The following BANK1 variants were observed in gnomAD, a reference collection of about 807,000 sequenced individuals.
The protein encoded by BANK1 is B-cell scaffold protein with ankyrin repeats.
BANK1 carries 95 observed loss-of-function variants against 94.5 expected under a neutral mutation model. The ratio of observed to expected loss-of-function variants is 1.00; its 90% confidence interval spans 0.85 to 1.19. The LOEUF (loss-of-function observed/expected upper bound fraction) is 1.19. Ranked by LOEUF, BANK1 falls within the 50% of genes most tolerant of loss-of-function variation. BANK1 has a pLI of 0.00. For missense variants in BANK1, 987 were observed against 932.2 expected, an observed-to-expected ratio of 1.06 and a Z score of -0.77; for synonymous variants, 334 against 308.4, an observed-to-expected ratio of 1.08 and a Z score of -0.87.
At chr4:101,945,998 A>C (rs1229313393) in intron 7 of BANK1, among the ~76,000 whole-genome samples, 2 of 152,122 alleles carry the variant, frequency 1.3e-5, no homozygotes, top group Middle Eastern at 3.4e-3. Flanking sequence ...TAAAAGTAAC[A>C]CAGGATATAG....
At chr4:101,871,122 A>G (rs918538821) in intron 5 of BANK1, among the ~76,000 whole-genome samples, 1 of 152,076 alleles carries the variant, frequency 6.6e-6, no homozygotes, top group Non-Finnish European at 1.5e-5. Context: ...ATCTAAGCTC[A>G]GTGTATGTTT....
Position 101,855,774 on chromosome 4 carries a change from TG to T in BANK1, c.624+586del, listed in dbSNP as rs1222187997. 2.0e-5 allele frequency among the ~76,000 whole-genome samples: 3 copies of T among 152,260 alleles called. No homozygotes were observed. The East Asian group carries it at 5.8e-4, about 29-fold the overall frequency. On this transcript the variant is annotated intron_variant, in intron 3 of 16. Coordinates refer to ENST00000322953, the MANE Select transcript of BANK1 (RefSeq NM_017935.5). Reference sequence around the variant, plus strand: ...ACACCATATTTTCAATGAAGAAACATGTATTAAAGGCTGACATTAAGTGGAA... The same window carrying T: ...ACACCATATTTTCAATGAAGAAACATTATTAAAGGCTGACATTAAGTGGAA...
intron 6 of BANK1, among the ~76,000 whole-genome samples, chr4:101,907,021 C>T (rs1002256524): frequency 6.6e-6 from 1 of 152,202 alleles, no homozygotes; most frequent in Non-Finnish European, 1.5e-5. Context: ...AACAACAAAC[C>T]AGTCATTAGC....
chr4:101,988,053 A>C (rs540689807), intron 7 of BANK1, among the ~76,000 whole-genome samples: 1 of 152,322 alleles, frequency 6.6e-6, no homozygotes, highest in East Asian at 1.9e-4. Flanking sequence ...ACATTGAGTG[A>C]GCAAGGAATA....
At chr4:101,836,932 G>C (rs551055852) in intron 2 of BANK1, among the ~76,000 whole-genome samples, 53 of 152,132 alleles carry the variant, frequency 3.5e-4, no homozygotes, top group African/African-American at 1.2e-3. Flanking sequence ...GTATCTCCGT[G>C]CCCATTTCTC....
intron 1 of BANK1, among the ~76,000 whole-genome samples, chr4:101,821,212 G>T (rs1005000422): frequency 3.3e-5 from 5 of 152,202 alleles, no homozygotes; most frequent in Admixed American, 3.3e-4. Flanking sequence ...TGATATTGAG[G>T]TTTTTTCCAT....
intron 7 of BANK1, among the ~76,000 whole-genome samples, chr4:101,952,725 A>G (rs1724208091): frequency 6.6e-6 from 1 of 152,122 alleles, no homozygotes; most frequent in African/African-American, 2.4e-5. Context: ...CAGGAGTCGT[A>G]TGCTGGGCAT....
chr4:101,988,455 T>C (rs1191969700), intron 7 of BANK1, among the ~76,000 whole-genome samples: 1 of 152,212 alleles, frequency 6.6e-6, no homozygotes, highest in Non-Finnish European at 1.5e-5. Flanking sequence ...TTTGAGTTGT[T>C]GTGAATGTTT....
chr4:101,882,114 G>A (rs1445946216), intron 5 of BANK1, among the ~76,000 whole-genome samples: 2 of 152,166 alleles, frequency 1.3e-5, no homozygotes, highest in East Asian at 1.9e-4. Context: ...TGCTTGAGGG[G>A]ATGGATACCC....
Position 101,944,043 on chromosome 4 carries a change from A to T in BANK1, c.1206+25854A>T, listed in dbSNP as rs907587595. Among the ~76,000 whole-genome samples the T allele has an allele frequency of 2.5e-4, 37 of 149,618 alleles. No individual in the cohort carries two copies. The East Asian group carries it at 4.9e-3, about 20-fold the overall frequency. On this transcript the variant is annotated intron_variant, in intron 7 of 16. Coordinates refer to ENST00000322953, the MANE Select transcript of BANK1 (RefSeq NM_017935.5). Reference sequence around the variant, plus strand: ...GTGTTTGTGTGTGTGTGTGTGTGAGAGAGAGAGAGAGAGAGAGAGAGACAG... The same window carrying T: ...GTGTTTGTGTGTGTGTGTGTGTGAGTGAGAGAGAGAGAGAGAGAGAGACAG...
chr4:101,818,994 A>G (rs1055675367), intron 1 of BANK1, among the ~76,000 whole-genome samples: 21 of 151,258 alleles, frequency 1.4e-4, no homozygotes, highest in African/African-American at 4.9e-4. Context: ...TTTGCTATGT[A>G]TATGCATTAT....
rs185488044 is a variant in BANK1 at position 102,016,897 on chromosome 4, C to A, written c.1207-4617C>A. Among the ~76,000 whole-genome samples the A allele has an allele frequency of 2.3e-3, 356 of 152,178 alleles. 2 individuals carry two copies. The highest frequency in any genetic ancestry group is 7.9e-3 in the African/African-American group (330 of 41,510). ...GGGCAGCAGAGAGGATAAGATGACT[C>A]TTATCCACTGTGGATAAGAATGGAT... On this transcript the variant is annotated intron_variant, in intron 7 of 16. Coordinates refer to ENST00000322953, the MANE Select transcript of BANK1 (RefSeq NM_017935.5).
intron 6 of BANK1, among the ~76,000 whole-genome samples, chr4:101,904,223 A>AT (rs1159294431): frequency 3.3e-5 from 5 of 152,332 alleles, no homozygotes; most frequent in Admixed American, 3.3e-4. Context: ...GTTTTTTGGA[A>AT]TTATAGCAGG....
At chr4:101,924,885 A>G (rs1045610799) in intron 7 of BANK1, among the ~76,000 whole-genome samples, 1 of 151,812 alleles carries the variant, frequency 6.6e-6, no homozygotes, top group Non-Finnish European at 1.5e-5. Flanking sequence ...CACATTTTTC[A>G]TAATGTAGAC....
intron 2 of BANK1, among the ~76,000 whole-genome samples, chr4:101,835,913 C>G (rs757926873): frequency 6.6e-6 from 1 of 152,166 alleles, no homozygotes; most frequent in Non-Finnish European, 1.5e-5. Context: ...TTTGCGTTCA[C>G]TCCATTGTTT....
At chr4:101,969,872 T>G (rs982578572) in intron 7 of BANK1, among the ~76,000 whole-genome samples, 19 of 152,120 alleles carry the variant, frequency 1.2e-4, no homozygotes, top group Non-Finnish European at 2.4e-4. Flanking sequence ...CAAATAAAAT[T>G]AATATAATCA....
At chr4:101,908,549 G>C (rs920408429) in intron 6 of BANK1, among the ~76,000 whole-genome samples, 26 of 152,184 alleles carry the variant, frequency 1.7e-4, no homozygotes, top group African/African-American at 6.3e-4. Context: ...AGCCAAAATT[G>C]ACAAATGGTA....
intron 6 of BANK1, among the ~76,000 whole-genome samples, chr4:101,916,126 G>A (rs990105294): frequency 1.3e-5 from 2 of 152,102 alleles, no homozygotes; most frequent in Middle Eastern, 3.4e-3. Flanking sequence ...AAGCATTTGT[G>A]ACATGGCATC....
intron 7 of BANK1, among the ~76,000 whole-genome samples, chr4:102,015,377 C>A (rs1726659593): frequency 6.6e-6 from 1 of 152,126 alleles, no homozygotes; most frequent in Non-Finnish European, 1.5e-5. Context: ...TAACTACCTT[C>A]TGCCCTTCTG....
Sources: allele counts gnomAD v4.1 joint callset (sites outside exome capture counted in the v4.1 genomes callset), GRCh38; gene constraint gnomAD v4.1.1; transcripts MANE v1.5; gene names NCBI Gene and HGNC (gene_info 2026-07-23, HGNC 2026-07-21).